Variants in LRRC55 observed in about 807,000 individuals in gnomAD.
The protein encoded by LRRC55 is leucine rich repeat containing 55.
In LRRC55, 11 loss-of-function variants were observed where a neutral mutation model predicts 20.5. The ratio of observed to expected loss-of-function variants is 0.54; its 90% CI spans 0.34 to 0.89. The LOEUF is 0.89. LRRC55 is among the 40% of genes least tolerant of loss of function. The probability of loss-of-function intolerance (pLI) is 0.02; values close to 1 mark genes in which losing one functional copy is unlikely to be tolerated. For synonymous variants in LRRC55, 188 were observed against 166.6 expected, an observed-to-expected ratio of 1.13 and a Z score of -0.99; for missense variants, 358 against 390.9, an observed-to-expected ratio of 0.92 and a Z score of 0.71.
chr11:57,187,543 C>T lies in LRRC55; in HGVS notation c.*63C>T. Reference sequence around the variant, plus strand: ...ACAGCTGCTGGCCACCAGACGCCCTCCCTGACTGCTCACTCTGGTTCCATG... The same window carrying T: ...ACAGCTGCTGGCCACCAGACGCCCTTCCTGACTGCTCACTCTGGTTCCATG... On this transcript the variant is annotated 3_prime_UTR_variant, in exon 2 of 2. Coordinates refer to ENST00000497933, the MANE Select transcript of LRRC55 (RefSeq NM_001005210.4). The T allele has an allele frequency of 1.4e-6, 2 of 1,444,178 alleles. No individual in the cohort carries two copies. The highest frequency in any genetic ancestry group is 1.9e-6 in the Non-Finnish European group (2 of 1,048,770). 89.5% of individuals were successfully genotyped at this position (1,444,178 alleles called of 1,614,324 possible).
chr11:57,183,152 AAAAATT>A (rs1450332753), intron 1 of LRRC55, among the ~76,000 whole-genome samples: 1 of 152,218 alleles, frequency 6.6e-6, no homozygotes, highest in Non-Finnish European at 1.5e-5. Context: ...ATACAAATTA[AAAAATT>A]AAAAAGTGGC....
rs1202725789 is a variant in LRRC55 at position 57,189,820 on chromosome 11, A to G, written c.*2340A>G. ...AGCCTGAAAGGAATGAAGGAGGCTA[A>G]TAAGTCATCTTCCAGGAAGGCATCC... On this transcript the variant is annotated 3_prime_UTR_variant, in exon 2 of 2. Coordinates refer to ENST00000497933, the MANE Select transcript of LRRC55 (RefSeq NM_001005210.4). 6.6e-6 allele frequency: 1 copy of G among 152,232 alleles called. No homozygotes were observed. Among genetic ancestry groups the G allele is most frequent in the African/African-American group, 2.4e-5 (1 of 41,454 alleles). 9.4% of individuals were successfully genotyped at this position (152,232 alleles called of 1,614,324 possible).
Position 57,187,390 on chromosome 11 carries a change from C to T in LRRC55, c.807C>T (p.Ser269=), listed in dbSNP as rs201403622. 8.8e-5 allele frequency: 142 copies of T among 1,614,238 alleles called. 1 individual carries two copies. The East Asian group carries it at 1.1e-3, about 13-fold the overall frequency. Residue 269 remains serine (S), a synonymous_variant, in exon 2 of 2, where the codon TCC becomes TCT. Transcript: ENST00000497933. ...LFIAFVGFVV[S]IASVATNFLL... ...TTGCGTTCGTGGGCTTCGTGGTCTCCATTGCTTCTGTGGCCACCAACTTCC... is the reference window on the plus strand; with the variant it reads ...TTGCGTTCGTGGGCTTCGTGGTCTCTATTGCTTCTGTGGCCACCAACTTCC...
Position 57,182,338 on chromosome 11 carries a change from CG to C in LRRC55, c.320del (p.Gly107AlafsTer14). On this transcript the variant is annotated frameshift_variant, in exon 1 of 2. Coordinates refer to ENST00000497933, the MANE Select transcript of LRRC55 (RefSeq NM_001005210.4). LOFTEE classifies it high-confidence loss of function. ...CAACAACTCCTTAATGGAGCTGCCC[CG>C]GGGCCTCTTCCTCCATGCCAAGCGC... Reference protein sequence around the residue: ...LHNNSLMELPRGLFLHAKRLA... With the variant: ...LHNNSLMELPXGLFLHAKRLA... The C allele has an allele frequency of 6.2e-7, 1 of 1,613,846 alleles. No individual in the cohort carries two copies. Among genetic ancestry groups the C allele is most frequent in the Non-Finnish European group, 8.5e-7 (1 of 1,179,912 alleles).
rs1347297344 is a variant in LRRC55, at chr11:57,191,067, T to C, written c.*3587T>C. The C allele has an allele frequency of 1.3e-5, 2 of 152,198 alleles. No individual in the cohort carries two copies. The highest frequency in any genetic ancestry group is 6.5e-5 in the Admixed American group (1 of 15,282). 9.4% of individuals were successfully genotyped at this position (152,198 alleles called of 1,614,324 possible). A position where few individuals can be genotyped will look rare whatever the true frequency, so the allele number is the denominator to read the frequency against. On this transcript the variant is annotated 3_prime_UTR_variant, in exon 2 of 2. Coordinates refer to ENST00000497933, the MANE Select transcript of LRRC55 (RefSeq NM_001005210.4). ...GATTTGGGCCAAGAAAATTCCTTTT[T>C]AGAAGAGCCCTCATATCTGAATCAC...
At chr11:57,185,122 C>T (rs1854413828) in intron 1 of LRRC55, among the ~76,000 whole-genome samples, 1 of 152,076 alleles carries the variant, frequency 6.6e-6, no homozygotes, top group Admixed American at 6.6e-5. Flanking sequence ...AGGTTCAATC[C>T]AAATCCATCA....
At chr11:57,186,483 G>C (rs1376537393) in intron 1 of LRRC55, among the ~76,000 whole-genome samples, 1 of 152,184 alleles carries the variant, frequency 6.6e-6, no homozygotes, top group Non-Finnish European at 1.5e-5. Context: ...AGCCCAGGGG[G>C]AGGTGAAGTG....
In LRRC55 at chr11:57,188,607, C is replaced by T. The variant is rs1466260108; in HGVS notation, c.*1127C>T. The T allele has an allele frequency of 6.6e-6, 1 of 152,142 alleles. No homozygotes were observed. 9.4% of individuals were successfully genotyped at this position (152,142 alleles called of 1,614,324 possible). ...ACACACACAAATCTTTTGAGGTGAACGCTGTTGTTCCCATTTTACGGATGA... is the reference window on the plus strand; with the variant it reads ...ACACACACAAATCTTTTGAGGTGAATGCTGTTGTTCCCATTTTACGGATGA... On this transcript the variant is annotated 3_prime_UTR_variant, in exon 2 of 2. Transcript: ENST00000497933.
chr11:57,188,666 G>A lies in LRRC55; in HGVS notation c.*1186G>A, dbSNP rs1353132520. ...AGGCTCAGAGAGGTTAAAGTCACAT[G>A]CCACTATGAGCAAGATAAAGTCTGT... is the stretch of plus-strand genomic sequence containing the variant. On this transcript the variant is annotated 3_prime_UTR_variant, in exon 2 of 2. Coordinates refer to ENST00000497933, the MANE Select transcript of LRRC55 (RefSeq NM_001005210.4). 1 of 152,166 alleles carries A rather than the reference G, an allele frequency of 6.6e-6. No individual in the cohort carries two copies. Among genetic ancestry groups the A allele is most frequent in the Non-Finnish European group, 1.5e-5 (1 of 68,034 alleles). 9.4% of individuals were successfully genotyped at this position (152,166 alleles called of 1,614,324 possible).
chr11:57,184,093 G>T (rs537462395), intron 1 of LRRC55, among the ~76,000 whole-genome samples: 10 of 152,206 alleles, frequency 6.6e-5, no homozygotes, highest in Non-Finnish European at 1.0e-4. Context: ...TGTGGGTCAC[G>T]ATTCCAGTGT....
rs371726600 is a variant in LRRC55, at chr11:57,182,577, A to T, written c.555A>T (p.Leu185=). The T allele has an allele frequency of 1.3e-6, 2 of 1,540,434 alleles. No individual in the cohort carries two copies. The highest frequency in any genetic ancestry group is 2.8e-5 in the African/African-American group (2 of 72,690). The change falls in exon 1 of 2, where the codon CTA becomes CTT. Residue 185 remains leucine, a synonymous_variant. Transcript: ENST00000497933. ...AFLSLEALEG[L]PGLVTLQIGG... ...TCAGCCTGGAGGCTCTTGAGGGCCT[A>T]CCGGGGCTGGTGACCCTGCAGATCG...
At position 57,188,811 on chromosome 11, in the gene LRRC55, C is replaced by A. The variant is rs1321740103; in HGVS notation, c.*1331C>A. The A allele has an allele frequency of 1.3e-5, 2 of 152,230 alleles. No individual in the cohort carries two copies. The highest frequency in any genetic ancestry group is 1.5e-5 in the Non-Finnish European group (1 of 68,046). The allele number at this position is 152,230 out of a possible 1,614,324, so 9.4% of individuals were successfully genotyped here. ...TAAGGTCCAGGCACTCCTCTGGGCA[C>A]TTTTATATCTATTGACTCACTTCTT... On this transcript the variant is annotated 3_prime_UTR_variant, in exon 2 of 2. Transcript: ENST00000497933.
chr11:57,182,802 G>C, intron 1 of LRRC55, 119 bp downstream of exon 1: 2 of 1,083,176 alleles, frequency 1.8e-6, no homozygotes, highest in Admixed American at 3.3e-5. Context: ...TTTCTAATGT[G>C]GGCTTGCCTC....
chr11:57,187,603 G>T lies in LRRC55; in HGVS notation c.*123G>T, dbSNP rs1174209239. 4 of 905,536 alleles carry T rather than the reference G, an allele frequency of 4.4e-6. No individual in the cohort carries two copies. The highest frequency in any genetic ancestry group is 1.7e-5 in the African/African-American group (1 of 60,134). 56.1% of individuals were successfully genotyped at this position (905,536 alleles called of 1,614,324 possible). A position where few individuals can be genotyped will look rare whatever the true frequency, so the allele number is the denominator to read the frequency against. On this transcript the variant is annotated 3_prime_UTR_variant, in exon 2 of 2. Transcript: ENST00000497933. ...CTGCCTCAGTCATGGTTCAAGCAAG[G>T]TGGGGACACTCATTTTGTATGAGCA...
Position 57,187,387 on chromosome 11 carries a change from C to T in LRRC55, c.804C>T (p.Val268=). Residue 268 remains valine, a synonymous_variant, in exon 2 of 2, where the codon GTC becomes GTT. Transcript: ENST00000497933. ...TCATTGCGTTCGTGGGCTTCGTGGT[C>T]TCCATTGCTTCTGTGGCCACCAACT... ...YLFIAFVGFV[V]SIASVATNFL... The T allele has an allele frequency of 6.2e-7, 1 of 1,614,224 alleles. No individual in the cohort carries two copies. Among genetic ancestry groups the T allele is most frequent in the Non-Finnish European group, 8.5e-7 (1 of 1,180,036 alleles).
At chr11:57,183,854 C>T (rs1362643027) in intron 1 of LRRC55, among the ~76,000 whole-genome samples, 1 of 152,190 alleles carries the variant, frequency 6.6e-6, no homozygotes, top group Non-Finnish European at 1.5e-5. Context: ...GGCATCTGAG[C>T]CTGACCCAGA....
chr11:57,182,193 C>T lies in LRRC55; in HGVS notation c.171C>T (p.Phe57=). The change falls in exon 1 of 2, where the codon TTC becomes TTT. Residue 57 remains phenylalanine (F), a synonymous_variant. Transcript: ENST00000497933. ...TGGATTGTAGCAGCCAGCGGCTATT[C>T]TCCGTGCCCCCAGACCTGCCAATGG... ...QVVDCSSQRL[F]SVPPDLPMDT... 6.2e-7 allele frequency: 1 copy of T among 1,614,214 alleles called. No individual in the cohort carries two copies. Among genetic ancestry groups the T allele is most frequent in the East Asian group, 2.2e-5 (1 of 44,878 alleles).
chr11:57,186,538 A>G (rs1415778838), intron 1 of LRRC55, among the ~76,000 whole-genome samples: 3 of 152,216 alleles, frequency 2.0e-5, no homozygotes, highest in African/African-American at 7.2e-5. Context: ...CTCACTAATA[A>G]TGTGGCATTG....
In LRRC55 at chr11:57,182,200, C is replaced by T. The variant is rs746237672; in HGVS notation, c.178C>T (p.Pro60Ser). 1 of 1,614,184 alleles carries T rather than the reference C, an allele frequency of 6.2e-7. No homozygotes were observed. Among genetic ancestry groups the T allele is most frequent in the Non-Finnish European group, 8.5e-7 (1 of 1,180,038 alleles). ...TAGCAGCCAGCGGCTATTCTCCGTGCCCCCAGACCTGCCAATGGACACCCG... is the reference window on the plus strand; with the variant it reads ...TAGCAGCCAGCGGCTATTCTCCGTGTCCCCAGACCTGCCAATGGACACCCG... Reference protein sequence around the residue: ...DCSSQRLFSVPPDLPMDTRNL... With the variant: ...DCSSQRLFSVSPDLPMDTRNL... Residue 60 changes from proline (P) to serine (S), a missense_variant, in exon 1 of 2, where the codon CCC becomes TCC. Coordinates refer to ENST00000497933, the MANE Select transcript of LRRC55 (RefSeq NM_001005210.4).
Sources: gnomAD v4.1 joint callset for allele counts (sites outside exome capture counted in the v4.1 genomes callset) on GRCh38, gnomAD v4.1.1 for gene constraint, MANE v1.5 for transcripts, NCBI Gene and HGNC (gene_info 2026-07-23, HGNC 2026-07-21) for gene names.